TMEM232: variants seen among roughly 807,000 people sequenced by gnomAD.
The protein encoded by TMEM232 is transmembrane protein 232.
Under a neutral mutation model 78.8 loss-of-function variants are expected in TMEM232, and 80 were observed. The ratio of observed to expected loss-of-function variants is 1.01; its 90% confidence interval spans 0.85 to 1.22. The LOEUF (loss-of-function observed/expected upper bound fraction) is 1.22, where lower values mean the gene tolerates loss of function less well. Ranked by LOEUF, TMEM232 falls within the 50% of genes most tolerant of loss-of-function variation. The probability of loss-of-function intolerance (pLI) is 0.00; values close to 1 mark genes in which losing one functional copy is unlikely to be tolerated. For synonymous variants in TMEM232, 297 were observed against 254.3 expected, an observed-to-expected ratio of 1.17 and a Z score of -1.60; for missense variants, 881 against 742.2, an observed-to-expected ratio of 1.19 and a Z score of -2.17.
Position 110,498,758 on chromosome 5 carries a change from G to T in TMEM232, c.1703+29830C>A, listed in dbSNP as rs1240690342. On this transcript the variant is annotated intron_variant, in intron 12 of 13. Coordinates refer to ENST00000455884, the MANE Select transcript of TMEM232 (RefSeq NM_001039763.4). ...GAAGTTTGTGTTTTCTAGAGCAGAT[G>T]GAAATTAACAGAGCAAGTCCCAGAA... 3.3e-5 allele frequency among the ~76,000 whole-genome samples: 5 copies of T among 152,164 alleles called. No individual in the cohort carries two copies. The South Asian group carries it at 8.3e-4, about 25-fold the overall frequency.
intron 1 of TMEM232, among the ~76,000 whole-genome samples, chr5:110,724,496 AG>A (rs1398404292): frequency 1.3e-5 from 2 of 152,256 alleles, no homozygotes; most frequent in East Asian, 3.8e-4. Flanking sequence ...AATAAATCTC[AG>A]TTAATATAAT....
At chr5:110,572,300 C>T (rs1191973474) in intron 10 of TMEM232, among the ~76,000 whole-genome samples, 1 of 151,926 alleles carries the variant, frequency 6.6e-6, no homozygotes, top group African/African-American at 2.4e-5. Context: ...AATAGCAAGA[C>T]TGAGATTGCT....
In TMEM232 at chr5:110,512,160, C is replaced by T. The variant is rs113188309; in HGVS notation, c.1703+16428G>A. ...GAATATGTGTGGTTTTAATTAACAT[C>T]TATCTCCAATATTTTATTGAAAGCT... On this transcript the variant is annotated intron_variant, in intron 12 of 13. Coordinates refer to ENST00000455884, the MANE Select transcript of TMEM232 (RefSeq NM_001039763.4). 6.4e-3 allele frequency among the ~76,000 whole-genome samples: 982 copies of T among 152,254 alleles called. 10 individuals carry two copies. Among genetic ancestry groups the T allele is most frequent in the African/African-American group, 0.022 (918 of 41,544 alleles).
intron 4 of TMEM232, among the ~76,000 whole-genome samples, chr5:110,640,212 G>A (rs1484744328): frequency 3.9e-5 from 6 of 152,178 alleles, no homozygotes; most frequent in Admixed American, 2.0e-4. Context: ...ATAAAGGCAA[G>A]TTAAATACAA....
intron 2 of TMEM232, among the ~76,000 whole-genome samples, chr5:110,401,771 GATT>G (rs1755610989): frequency 6.6e-6 from 1 of 151,944 alleles, no homozygotes; most frequent in Admixed American, 6.6e-5. Flanking sequence ...GTAATAAATA[GATT>G]ATTATACATT....
rs1193748801 is a variant in TMEM232 at position 110,694,133 on chromosome 5, G to C, written c.-12-26769C>G. On this transcript the variant is annotated intron_variant, in intron 1 of 13. Coordinates refer to ENST00000455884, the MANE Select transcript of TMEM232 (RefSeq NM_001039763.4). ...GGCAGAAACTCTACAAGCCAGAAGA[G>C]AGTGAGGGCCAATATTCAACATTCT... Among the ~76,000 whole-genome samples, 5 of 152,258 alleles carry C rather than the reference G, an allele frequency of 3.3e-5. No individual in the cohort carries two copies. In the East Asian group the frequency reaches 5.8e-4, roughly 18 times the overall value.
chr5:110,479,949 G>A, intron 12 of TMEM232, among the ~76,000 whole-genome samples: 1 of 149,996 alleles, frequency 6.7e-6, no homozygotes. Flanking sequence ...TTATTCAGCA[G>A]AGAAAAAAAT....
At chr5:110,545,898 T>C (rs1018422930) in intron 11 of TMEM232, among the ~76,000 whole-genome samples, 2 of 152,130 alleles carry the variant, frequency 1.3e-5, no homozygotes, top group African/African-American at 2.4e-5. Context: ...GAATTGCCTA[T>C]ACAGAAAAAC....
intron 12 of TMEM232, among the ~76,000 whole-genome samples, chr5:110,477,710 T>A (rs932707909): frequency 1.3e-5 from 2 of 151,808 alleles, no homozygotes; most frequent in Admixed American, 6.6e-5. Context: ...AAAAAAAAAT[T>A]CATAATGATG....
chr5:110,680,107 T>C (rs1256985868), intron 1 of TMEM232, among the ~76,000 whole-genome samples: 1 of 151,968 alleles, frequency 6.6e-6, no homozygotes, highest in Non-Finnish European at 1.5e-5. Flanking sequence ...GAGTTTAATA[T>C]GCAACCCAAG....
At chr5:110,508,428 T>C (rs542674184) in intron 12 of TMEM232, among the ~76,000 whole-genome samples, 4 of 151,214 alleles carry the variant, frequency 2.6e-5, no homozygotes, top group Non-Finnish European at 4.4e-5. Context: ...ATTATATATA[T>C]ACATACACAC....
chr5:110,721,667 G>GTATATATATATATATATATA (rs1277641654), intron 1 of TMEM232, among the ~76,000 whole-genome samples: 383 of 10,416 alleles, frequency 0.037, 21 homozygotes, highest in African/African-American at 0.06. Flanking sequence ...GTGTGTGTGT[G>GTATATATATATATATATATA]TGTGTGTATA....
In TMEM232 at chr5:110,508,668, T is replaced by C. The variant is rs959991307; in HGVS notation, c.1703+19920A>G. Among the ~76,000 whole-genome samples, 3 of 150,404 alleles carry C rather than the reference T, an allele frequency of 2.0e-5. No homozygotes were observed. The Middle Eastern group carries it at 0.011, about 530-fold the overall frequency. On this transcript the variant is annotated intron_variant, in intron 12 of 13. Transcript: ENST00000455884. ...TTCATTGTAGCCCTTGACATGAACA[T>C]TTTCATGTAAAGTTTCTGGTCAAGC...
intron 1 of TMEM232, among the ~76,000 whole-genome samples, chr5:110,672,024 A>T (rs902153275): frequency 1.3e-5 from 2 of 152,182 alleles, no homozygotes; most frequent in Non-Finnish European, 2.9e-5. Flanking sequence ...AAAGAAAAAA[A>T]TACAGGCCAT....
intron 5 of TMEM232, 64 bp from the exon 6 acceptor site, chr5:110,627,944 G>GA: frequency 1.8e-6 from 2 of 1,090,844 alleles, no homozygotes; most frequent in Non-Finnish European, 2.6e-6. Flanking sequence ...AAAACCATAA[G>GA]AAAAATCAAC....
At chr5:110,501,998 T>A (rs752844126) in intron 12 of TMEM232, among the ~76,000 whole-genome samples, 4 of 152,198 alleles carry the variant, frequency 2.6e-5, no homozygotes, top group Non-Finnish European at 4.4e-5. Flanking sequence ...GAGATGATTA[T>A]CACAGAAATA....
At chr5:110,388,592 G>A (rs2112552639) in intron 4 of TMEM232, among the ~76,000 whole-genome samples, 1 of 152,230 alleles carries the variant, frequency 6.6e-6, no homozygotes, top group African/African-American at 2.4e-5. Flanking sequence ...CTTGCTTCAT[G>A]CACTATGCAT....
At chr5:110,578,467 A>G (rs2149717131) in intron 10 of TMEM232, among the ~76,000 whole-genome samples, 1 of 152,128 alleles carries the variant, frequency 6.6e-6, no homozygotes, top group South Asian at 2.1e-4. Flanking sequence ...AGTTGCCTTA[A>G]GTAATCTAAA....
chr5:110,559,632 T>C (rs1038558297), intron 11 of TMEM232, among the ~76,000 whole-genome samples: 1 of 152,182 alleles, frequency 6.6e-6, no homozygotes, highest in Non-Finnish European at 1.5e-5. Context: ...AAAGCTATTA[T>C]ACATCCATCA....
Sources: gnomAD v4.1 joint callset for allele counts (sites outside exome capture counted in the v4.1 genomes callset) on GRCh38, gnomAD v4.1.1 for gene constraint, MANE v1.5 for transcripts, NCBI Gene and HGNC (gene_info 2026-07-23, HGNC 2026-07-21) for gene names.